Variants in LDLRAD4 observed in about 807,000 individuals in gnomAD.
LDLRAD4 encodes the protein low density lipoprotein receptor class A domain containing 4.
In LDLRAD4, 5 loss-of-function variants were observed where a neutral mutation model predicts 17.0. That is an observed-to-expected ratio of 0.29 (90% confidence interval 0.15 to 0.62). The LOEUF (loss-of-function observed/expected upper bound fraction) is 0.62, where lower values mean the gene tolerates loss of function less well. LDLRAD4 is among the 20% of genes least tolerant of loss of function. The pLI, the probability that LDLRAD4 is intolerant of heterozygous loss-of-function variation, is 0.84. For missense variants in LDLRAD4, 340 were observed against 424.7 expected (o/e 0.80, Z 1.75); for synonymous variants, 168 against 171.8 (o/e 0.98, Z 0.17).
chr18:13,534,817 A>T (rs2094179755), intron 3 of LDLRAD4, among the ~76,000 whole-genome samples: 1 of 152,228 alleles, frequency 6.6e-6, no homozygotes, highest in Non-Finnish European at 1.5e-5. Context: ...AAGTTGGCTC[A>T]TGTTCCTTGA....
chr18:13,541,939 G>A (rs1809295436), intron 3 of LDLRAD4, among the ~76,000 whole-genome samples: 1 of 152,170 alleles, frequency 6.6e-6, no homozygotes, highest in Admixed American at 6.5e-5. Context: ...AGTGGGGTGT[G>A]GTGGTACATG....
chr18:13,266,670 G>T (rs537526676), intron 1 of LDLRAD4, among the ~76,000 whole-genome samples: 1 of 152,256 alleles, frequency 6.6e-6, no homozygotes, highest in East Asian at 1.9e-4. Context: ...GCTGCCTGGC[G>T]ATGGCTTCTC....
intron 1 of LDLRAD4, among the ~76,000 whole-genome samples, chr18:13,285,343 T>C (rs1363926999): frequency 6.6e-6 from 1 of 152,118 alleles, no homozygotes; most frequent in Non-Finnish European, 1.5e-5. Context: ...CTTGGGGCAG[T>C]CACTTCAGTG....
intron 1 of LDLRAD4, among the ~76,000 whole-genome samples, chr18:13,234,574 T>A (rs1354045865): frequency 6.6e-6 from 1 of 152,168 alleles, no homozygotes; most frequent in African/African-American, 2.4e-5. Context: ...TCCTCCCTTC[T>A]GCCAACTTCT....
intron 3 of LDLRAD4, among the ~76,000 whole-genome samples, chr18:13,605,897 A>G (rs1286215917): frequency 2.6e-5 from 4 of 152,196 alleles, no homozygotes; most frequent in Middle Eastern, 3.2e-3. Flanking sequence ...AAATGGTGAC[A>G]TGCACATCAC....
At chr18:13,600,474 C>A (rs28410313) in intron 3 of LDLRAD4, among the ~76,000 whole-genome samples, 8 of 152,016 alleles carry the variant, frequency 5.3e-5, no homozygotes, top group African/African-American at 1.5e-4. Context: ...GACCAGCATC[C>A]AACTGCATCA....
chr18:13,564,305 A>G (rs2094571249), intron 3 of LDLRAD4, among the ~76,000 whole-genome samples: 1 of 152,184 alleles, frequency 6.6e-6, no homozygotes, highest in African/African-American at 2.4e-5. Flanking sequence ...GATGGCTGCT[A>G]TTCAAGTAGT....
Position 13,440,957 on chromosome 18 carries a change from C to T in LDLRAD4, c.181+2573C>T, listed in dbSNP as rs1014667454. 6.6e-6 allele frequency among the ~76,000 whole-genome samples: 1 copy of T among 152,202 alleles called. No individual in the cohort carries two copies. The highest frequency in any genetic ancestry group is 1.5e-5 in the Non-Finnish European group (1 of 68,036). On this transcript the variant is annotated intron_variant, in intron 3 of 5. Coordinates refer to ENST00000359446, the Ensembl canonical transcript of LDLRAD4. The surrounding 1 kb of genome is among the most constrained non-coding windows in gnomAD (Gnocchi z 4.4). Reference sequence around the variant, plus strand: ...CCACCTGGCCTGTGGCTGCCCCCTACGTTCCCCTCAGGTTCTCTGCAGGAG... The same window carrying T: ...CCACCTGGCCTGTGGCTGCCCCCTATGTTCCCCTCAGGTTCTCTGCAGGAG...
rs190316010 is a variant in LDLRAD4 at position 13,363,804 on chromosome 18, A to G, written c.-382-23537A>G. Among the ~76,000 whole-genome samples, 5 of 152,366 alleles carry G rather than the reference A, an allele frequency of 3.3e-5. 1 individual carries two copies. Among genetic ancestry groups the G allele is most frequent in the African/African-American group, 1.2e-4 (5 of 41,592 alleles). On this transcript the variant is annotated intron_variant, in intron 1 of 5. Coordinates refer to ENST00000359446, the Ensembl canonical transcript of LDLRAD4. ...TAATTATAATCAGTCTCATTTTTAA[A>G]GATGTGAAACATTTTAATTGGCAAA...
intron 1 of LDLRAD4, among the ~76,000 whole-genome samples, chr18:13,230,875 C>G (rs1043401046): frequency 2.0e-5 from 3 of 152,238 alleles, no homozygotes; most frequent in African/African-American, 7.2e-5. Context: ...AGGGCGAATC[C>G]TGACACAGGT....
chr18:13,413,298 G>A (rs12963113), intron 2 of LDLRAD4, among the ~76,000 whole-genome samples: 123,796 of 152,210 alleles, frequency 0.81, 53,526 homozygotes, highest in Non-Finnish European at 0.97. Context: ...ATCACTGTAC[G>A]TGTTCACTAC....
At chr18:13,366,975 A>G (rs185308049) in intron 1 of LDLRAD4, among the ~76,000 whole-genome samples, 54 of 152,348 alleles carry the variant, frequency 3.5e-4, no homozygotes, top group African/African-American at 9.9e-4. Context: ...ACATAAAACT[A>G]GGGAATCCTG....
intron 1 of LDLRAD4, among the ~76,000 whole-genome samples, chr18:13,261,861 C>T (rs762175391): frequency 2.6e-5 from 4 of 152,070 alleles, no homozygotes; most frequent in South Asian, 2.1e-4. Context: ...GGCAGGACTG[C>T]GAGTGCCACC....
chr18:13,388,411 T>A (rs2085991839), intron 2 of LDLRAD4, among the ~76,000 whole-genome samples: 1 of 152,240 alleles, frequency 6.6e-6, no homozygotes, highest in African/African-American at 2.4e-5. Context: ...CTTAATCCTC[T>A]GGGCCTCTGG....
intron 1 of LDLRAD4, among the ~76,000 whole-genome samples, chr18:13,365,704 A>G (rs1479098470): frequency 6.6e-6 from 1 of 152,238 alleles, no homozygotes; most frequent in Admixed American, 6.5e-5. Context: ...TGCCTGTCTC[A>G]AAGTCACCAG....
chr18:13,286,991 C>T (rs995457164), intron 1 of LDLRAD4, among the ~76,000 whole-genome samples: 5 of 152,228 alleles, frequency 3.3e-5, no homozygotes, highest in South Asian at 2.1e-4. Flanking sequence ...TAGGAGGTGG[C>T]GCTCACTCCG....
intron 1 of LDLRAD4, among the ~76,000 whole-genome samples, chr18:13,233,570 T>C (rs892709005): frequency 1.3e-5 from 2 of 152,158 alleles, no homozygotes; most frequent in Non-Finnish European, 2.9e-5. Flanking sequence ...TTTGAGTATT[T>C]GTTCCCCTTC....
intron 1 of LDLRAD4, among the ~76,000 whole-genome samples, chr18:13,260,044 C>A (rs2043728476): frequency 6.6e-6 from 1 of 152,230 alleles, no homozygotes; most frequent in South Asian, 2.1e-4. Context: ...TCTTGGGAGG[C>A]ATTGGGTGGA....
At chr18:13,583,854 T>C (rs1478448158) in intron 3 of LDLRAD4, among the ~76,000 whole-genome samples, 3 of 152,154 alleles carry the variant, frequency 2.0e-5, no homozygotes, top group Non-Finnish European at 4.4e-5. Context: ...GCTTAATGAA[T>C]GTCAGGCTCA....
Sources: gnomAD v4.1 joint callset for allele counts (sites outside exome capture counted in the v4.1 genomes callset) on GRCh38, gnomAD v4.1.1 for gene constraint, Gnocchi (gnomAD v3.1) non-coding constraint, MANE v1.5 for transcripts, NCBI Gene and HGNC (gene_info 2026-07-23, HGNC 2026-07-21) for gene names.